TRAPPC9: variants seen among roughly 807,000 people sequenced by gnomAD.
TRAPPC9 encodes the protein trafficking protein particle complex subunit 9, also known as IKK2 binding protein.
TRAPPC9 carries 83 observed loss-of-function variants against 124.0 expected under a neutral mutation model. That is an observed-to-expected ratio of 0.67 (90% confidence interval 0.56 to 0.80). TRAPPC9 has a LOEUF of 0.80. TRAPPC9 is among the 30% of genes least tolerant of loss of function. The pLI is 0.00. For synonymous variants in TRAPPC9, 638 were observed against 617.5 expected (o/e 1.03, Z -0.49); for missense variants, 1,302 against 1,508.3 (o/e 0.86, Z 2.27).
chr8:139,805,700 A>G (rs1823999720), intron 21 of TRAPPC9, among the ~76,000 whole-genome samples: 1 of 152,202 alleles, frequency 6.6e-6, no homozygotes, highest in Admixed American at 6.5e-5. Flanking sequence ...AGCCCGTAGC[A>G]TGAGTGGGAG....
At chr8:140,449,684 G>A (rs1199534064) in intron 2 of TRAPPC9, among the ~76,000 whole-genome samples, 1 of 152,200 alleles carries the variant, frequency 6.6e-6, no homozygotes, top group African/African-American at 2.4e-5. Context: ...ATCCATGCTT[G>A]GCTGCTTTGT....
At chr8:139,952,690 G>A (rs1446478055) in intron 19 of TRAPPC9, among the ~76,000 whole-genome samples, 2 of 152,192 alleles carry the variant, frequency 1.3e-5, no homozygotes, top group East Asian at 3.8e-4. Context: ...GGATGGGGCC[G>A]AGGGGTGCTG....
At chr8:140,143,499 T>G (rs746428534) in intron 17 of TRAPPC9, among the ~76,000 whole-genome samples, 6 of 152,274 alleles carry the variant, frequency 3.9e-5, no homozygotes, top group Non-Finnish European at 8.8e-5. Flanking sequence ...GTAACTTGCA[T>G]GTAAATTTTG....
intron 6 of TRAPPC9, among the ~76,000 whole-genome samples, chr8:140,398,561 CTGG>C (rs772633089): frequency 6.6e-6 from 1 of 152,196 alleles, no homozygotes; most frequent in Non-Finnish European, 1.5e-5. Context: ...AGCAAAGAAA[CTGG>C]TGGCATTTTG....
chr8:139,929,336 A>G (rs1369194356), intron 19 of TRAPPC9, among the ~76,000 whole-genome samples: 1 of 152,242 alleles, frequency 6.6e-6, no homozygotes, highest in African/African-American at 2.4e-5. Flanking sequence ...GGTCACCAGG[A>G]TAACAGATAA....
chr8:140,272,340 T>C (rs1442284178), intron 15 of TRAPPC9, among the ~76,000 whole-genome samples: 1 of 128,156 alleles, frequency 7.8e-6, no homozygotes, highest in Admixed American at 7.7e-5. Flanking sequence ...GTGGTTTTGG[T>C]GGTCACAGTG....
intron 21 of TRAPPC9, among the ~76,000 whole-genome samples, chr8:139,827,606 G>A (rs1450124275): frequency 6.6e-6 from 1 of 152,214 alleles, no homozygotes; most frequent in Non-Finnish European, 1.5e-5. Flanking sequence ...CTGGGGTGGT[G>A]CCAATAAGGA....
At chr8:139,944,529 G>A (rs867801679) in intron 19 of TRAPPC9, among the ~76,000 whole-genome samples, 28 of 152,194 alleles carry the variant, frequency 1.8e-4, no homozygotes, top group Middle Eastern at 3.4e-3. Flanking sequence ...AATAGACCAT[G>A]AAAATTAAGG....
rs74650734 is a variant in TRAPPC9, at chr8:140,177,400, C to T, written c.2556+44059G>A. On this transcript the variant is annotated intron_variant, in intron 17 of 22. Coordinates refer to ENST00000438773, the MANE Select transcript of TRAPPC9 (RefSeq NM_001160372.4). ...GCATCACCTGTTGAAAAAGCCAATC[C>T]TTCCCCCTTTGAATTACCTTGGCAC... Among the ~76,000 whole-genome samples, 751 of 152,230 alleles carry T rather than the reference C, an allele frequency of 4.9e-3. 4 individuals carry two copies. The highest frequency in any genetic ancestry group is 8.2e-3 in the Non-Finnish European group (555 of 67,986).
chr8:140,208,080 G>A (rs1251341179), intron 17 of TRAPPC9, among the ~76,000 whole-genome samples: 1 of 151,652 alleles, frequency 6.6e-6, no homozygotes, highest in Non-Finnish European at 1.5e-5. Context: ...AACCCAGAAG[G>A]CAGAGGTTGC....
intron 18 of TRAPPC9, among the ~76,000 whole-genome samples, chr8:140,002,226 T>TA (rs532269818): frequency 1.6e-4 from 23 of 148,230 alleles, no homozygotes; most frequent in East Asian, 7.9e-4. Context: ...ATTCATGATT[T>TA]AAAAAAAAAA....
chr8:139,820,883 T>C (rs1040212004), intron 21 of TRAPPC9, among the ~76,000 whole-genome samples: 4 of 152,180 alleles, frequency 2.6e-5, no homozygotes, highest in Admixed American at 2.6e-4. Flanking sequence ...ACAAATGAAT[T>C]CCAGATGTTT....
chr8:139,895,878 GAGGC>G (rs1830637810), intron 20 of TRAPPC9, among the ~76,000 whole-genome samples: 1 of 152,154 alleles, frequency 6.6e-6, no homozygotes. Flanking sequence ...CCAGGCTTTG[GAGGC>G]AGGCAGCAGC....
At chr8:140,368,648 C>T (rs4736177) in intron 8 of TRAPPC9, among the ~76,000 whole-genome samples, 4 of 152,104 alleles carry the variant, frequency 2.6e-5, no homozygotes, top group African/African-American at 7.2e-5. Flanking sequence ...AAAGCACCCC[C>T]CAGGTCTAGT....
intron 21 of TRAPPC9, among the ~76,000 whole-genome samples, chr8:139,769,888 T>C (rs2130432922): frequency 6.6e-6 from 1 of 152,384 alleles, no homozygotes; most frequent in South Asian, 2.1e-4. Flanking sequence ...ATCTAGGATC[T>C]GGTGCCTGCC....
At chr8:140,303,304 A>C (rs116214621) in intron 10 of TRAPPC9, among the ~76,000 whole-genome samples, 3,937 of 152,200 alleles carry the variant, frequency 0.026, 157 homozygotes, top group African/African-American at 0.089. Context: ...ACTCCCCATC[A>C]CTGCCCCCAA....
intron 17 of TRAPPC9, among the ~76,000 whole-genome samples, chr8:140,031,906 G>A (rs1034434164): frequency 2.0e-5 from 3 of 152,174 alleles, no homozygotes; most frequent in Non-Finnish European, 4.4e-5. Context: ...GGGACTGTTA[G>A]AAGACCAAGT....
intron 21 of TRAPPC9, among the ~76,000 whole-genome samples, chr8:139,882,974 G>A (rs1440238435): frequency 1.3e-5 from 2 of 152,234 alleles, no homozygotes; most frequent in Non-Finnish European, 2.9e-5. Context: ...GCTACGGATT[G>A]AATGTCTCCT....
chr8:139,759,675 T>C (rs184678227), intron 21 of TRAPPC9, among the ~76,000 whole-genome samples: 1 of 152,232 alleles, frequency 6.6e-6, no homozygotes, highest in Non-Finnish European at 1.5e-5. Flanking sequence ...CAGCCTCCTC[T>C]GGGAAACACG....
Sources: allele counts gnomAD v4.1 joint callset (sites outside exome capture counted in the v4.1 genomes callset), GRCh38; gene constraint gnomAD v4.1.1; transcripts MANE v1.5; gene names NCBI Gene and HGNC (gene_info 2026-07-23, HGNC 2026-07-21).